The following RNF128 variants were observed in gnomAD, a reference collection of about 807,000 sequenced individuals.
The protein encoded by RNF128 is E3 ubiquitin-protein ligase RNF128.
A neutral mutation model predicts 26.2 loss-of-function variants in RNF128; 13 were observed. That is an observed-to-expected ratio of 0.50 (90% CI 0.32 to 0.79). The LOEUF (loss-of-function observed/expected upper bound fraction) is 0.79, where lower values mean the gene tolerates loss of function less well. RNF128 is among the 30% of genes least tolerant of loss of function. The pLI is 0.03. For synonymous variants in RNF128, 149 were observed against 142.5 expected (o/e 1.05, Z -0.32); for missense variants, 315 against 349.7 (o/e 0.90, Z 0.79).
chrX:106,745,578 C>CA (rs1227954368), intron 1 of RNF128, among the ~76,000 whole-genome samples: 5 of 111,848 alleles, frequency 4.5e-5, no homozygotes, highest in Non-Finnish European at 7.5e-5. Context: ...CAAGGGTATG[C>CA]ACTACTGATT....
At chrX:106,706,341 T>C (rs1180768355) in intron 1 of RNF128, among the ~76,000 whole-genome samples, 2 of 111,739 alleles carry the variant, frequency 1.8e-5, no homozygotes, top group African/African-American at 6.5e-5. Flanking sequence ...ACACATTTTA[T>C]TTGTATCATT....
At chrX:106,730,953 G>A (rs1350081178) in intron 1 of RNF128, among the ~76,000 whole-genome samples, 1 of 111,517 alleles carries the variant, frequency 9.0e-6, no homozygotes, top group Non-Finnish European at 1.9e-5. Flanking sequence ...GTTGTGCTCT[G>A]CCAATTAGTA....
At chrX:106,749,316 A>G (rs1929840924) in intron 1 of RNF128, among the ~76,000 whole-genome samples, 1 of 112,240 alleles carries the variant, frequency 8.9e-6, no homozygotes, top group Admixed American at 9.5e-5. Context: ...AAAGTCACTA[A>G]TTTTAATTTG....
intron 1 of RNF128, among the ~76,000 whole-genome samples, chrX:106,770,902 C>T (rs1253375389): frequency 8.9e-6 from 1 of 111,951 alleles, no homozygotes; most frequent in Admixed American, 9.5e-5. Context: ...TACCTCTGGT[C>T]TTTGATGATG....
intron 1 of RNF128, among the ~76,000 whole-genome samples, chrX:106,756,453 C>A (rs1930011908): frequency 1.8e-5 from 2 of 109,918 alleles, no homozygotes; most frequent in African/African-American, 6.9e-5. Flanking sequence ...ACTATCTGAT[C>A]TTTGACAAAC....
At chrX:106,787,155 G>A (rs758515179) in intron 3 of RNF128, among the ~76,000 whole-genome samples, 47 of 111,359 alleles carry the variant, frequency 4.2e-4, no homozygotes, top group Non-Finnish European at 8.9e-4. Context: ...ACTGTTCATA[G>A]CAGCTTTATT....
At chrX:106,753,173 G>T (rs1029804357) in intron 1 of RNF128, among the ~76,000 whole-genome samples, 1 of 111,689 alleles carries the variant, frequency 9.0e-6, no homozygotes, top group Non-Finnish European at 1.9e-5. Context: ...CACTGTAGTT[G>T]TGGTGTGTGA....
At chrX:106,706,146 T>C (rs1392721562) in intron 1 of RNF128, among the ~76,000 whole-genome samples, 1 of 111,429 alleles carries the variant, frequency 9.0e-6, no homozygotes, top group Non-Finnish European at 1.9e-5. Context: ...TATGAACCCC[T>C]GGGTTGCTAT....
chrX:106,734,370 CT>C (rs1929552695), intron 1 of RNF128, among the ~76,000 whole-genome samples: 1 of 111,997 alleles, frequency 8.9e-6, no homozygotes, highest in East Asian at 2.8e-4. Flanking sequence ...TTGATCACCA[CT>C]TGTGCTTCAG....
At chrX:106,712,173 T>C (rs1427805944) in intron 1 of RNF128, among the ~76,000 whole-genome samples, 1 of 112,055 alleles carries the variant, frequency 8.9e-6, no homozygotes, top group Non-Finnish European at 1.9e-5. Flanking sequence ...TAAAACAGAA[T>C]ATGAAAATGT....
At chrX:106,749,571 A>G (rs1419951168) in intron 1 of RNF128, among the ~76,000 whole-genome samples, 1 of 112,026 alleles carries the variant, frequency 8.9e-6, no homozygotes, top group Non-Finnish European at 1.9e-5. Flanking sequence ...AAGTAGAAAC[A>G]CTTAATTTGG....
chrX:106,709,068 A>G (rs1230150314), intron 1 of RNF128, among the ~76,000 whole-genome samples: 1 of 111,728 alleles, frequency 9.0e-6, no homozygotes, highest in Non-Finnish European at 1.9e-5. Flanking sequence ...TCTCCAAAAT[A>G]ATAAAATATT....
In RNF128 at chrX:106,791,222, G is replaced by A. The variant is rs1569445895; in HGVS notation, c.1141G>A (p.Val381Met). 6.6e-6 allele frequency: 8 copies of A among 1,207,625 alleles called. No homozygotes were observed. Among genetic ancestry groups the A allele is most frequent in the Non-Finnish European group, 6.7e-6 (6 of 893,187 alleles). ...GTDEPPLEEH[V>M]QSTNESLQLV... Reference sequence around the variant, plus strand: ...AGATGAACCGCCTCTGGAGGAACACGTGCAGTCAACAAGTAAGCATCATAC... The same window carrying A: ...AGATGAACCGCCTCTGGAGGAACACATGCAGTCAACAAGTAAGCATCATAC... Residue 381 changes from valine to methionine, a missense_variant, in exon 6 of 7, where the codon GTG becomes ATG. By Grantham distance (21) the Val-to-Met change is conservative. Transcript: ENST00000255499.
chrX:106,733,074 C>T (rs1929527446), intron 1 of RNF128, among the ~76,000 whole-genome samples: 1 of 111,109 alleles, frequency 9.0e-6, no homozygotes, highest in African/African-American at 3.3e-5. Context: ...CTAAATGATA[C>T]AGTATAACAA....
At chrX:106,703,238 G>T (rs1928989263) in intron 1 of RNF128, among the ~76,000 whole-genome samples, 1 of 111,513 alleles carries the variant, frequency 9.0e-6, no homozygotes, top group Admixed American at 9.5e-5. Flanking sequence ...ATGATAAATT[G>T]GAACTCTTTA....
intron 1 of RNF128, among the ~76,000 whole-genome samples, chrX:106,742,932 T>C (rs1490743973): frequency 9.0e-6 from 1 of 111,463 alleles, no homozygotes; most frequent in African/African-American, 3.3e-5. Flanking sequence ...CACATATATA[T>C]ACATGTGTAT....
intron 1 of RNF128, among the ~76,000 whole-genome samples, chrX:106,695,628 A>C (rs1204307293): frequency 8.9e-6 from 1 of 111,996 alleles, no homozygotes; most frequent in Non-Finnish European, 1.9e-5. Flanking sequence ...TTTCTAGCTA[A>C]GAGCATTTCA....
intron 5 of RNF128, 107 bp downstream of exon 5, chrX:106,790,389 T>C: frequency 2.1e-6 from 1 of 474,159 alleles, no homozygotes. Context: ...ATACTTATAG[T>C]TTATACCTAA....
Position 106,790,227 on chromosome X carries a change from A to T in RNF128, c.929A>T (p.Glu310Val). 8.3e-7 allele frequency: 1 copy of T among 1,205,402 alleles called. No homozygotes were observed. Among genetic ancestry groups the T allele is most frequent in the South Asian group, 1.8e-5 (1 of 56,368 alleles). ...HKTCVDPWLL[E>V]HRTCPMCKCD... Reference sequence around the variant, plus strand: ...ACATGTGTTGACCCATGGCTGTTAGAACACAGGACTTGCCCCATGTGCAAA... The same window carrying T: ...ACATGTGTTGACCCATGGCTGTTAGTACACAGGACTTGCCCCATGTGCAAA... The change falls in exon 5 of 7, where the codon GAA becomes GTA. Residue 310 changes from glutamate to valine, a missense_variant. Transcript: ENST00000255499.
Sources: allele counts gnomAD v4.1 joint callset (sites outside exome capture counted in the v4.1 genomes callset), GRCh38; gene constraint gnomAD v4.1.1; transcripts MANE v1.5; gene names NCBI Gene and HGNC (gene_info 2026-07-23, HGNC 2026-07-21).